Variants in ZNG1F observed in about 807,000 individuals in gnomAD.
The protein encoded by ZNG1F is zinc-regulated GTPase metalloprotein activator 1F.
chr9:41,155,930 A>G, the ZNG1F span, among the ~76,000 whole-genome samples: 2 of 138,380 alleles, frequency 1.4e-5, no homozygotes, highest in African/African-American at 5.4e-5. Context: ...ACATGTATAC[A>G]TATGTAACTA....
chr9:41,175,087 C>T, the ZNG1F span, among the ~76,000 whole-genome samples: 1 of 145,316 alleles, frequency 6.9e-6, no homozygotes, highest in Non-Finnish European at 1.5e-5. Flanking sequence ...CAGTTAGTGA[C>T]AGGGCTGTCT....
chr9:41,159,356 C>T, the ZNG1F span, among the ~76,000 whole-genome samples: 2 of 143,180 alleles, frequency 1.4e-5, no homozygotes, highest in Non-Finnish European at 1.5e-5. Flanking sequence ...AAAGCCTTCC[C>T]CAGTGGCACT....
the ZNG1F span, among the ~76,000 whole-genome samples, chr9:41,134,492 C>CT: frequency 0.015 from 1,101 of 71,800 alleles, 68 homozygotes; most frequent in Admixed American, 0.13. Flanking sequence ...AACATTTCCT[C>CT]TAACAGGTCA....
chr9:41,154,467 C>A, the ZNG1F span, among the ~76,000 whole-genome samples: 6 of 140,568 alleles, frequency 4.3e-5, 1 homozygote, highest in Non-Finnish European at 9.3e-5. Flanking sequence ...CCCCATCAAG[C>A]TACCAATGAC....
At chr9:41,183,993 G>A in the ZNG1F span, among the ~76,000 whole-genome samples, 4 of 149,052 alleles carry the variant, frequency 2.7e-5, no homozygotes, top group Admixed American at 6.8e-5. Flanking sequence ...TTTCTAAATC[G>A]ACTAGTATGT....
chr9:41,193,575 G>A, the ZNG1F span, among the ~76,000 whole-genome samples: 1 of 146,736 alleles, frequency 6.8e-6, no homozygotes. Context: ...TTACAGAAAA[G>A]TAACCCAAAG....
the ZNG1F span, among the ~76,000 whole-genome samples, chr9:41,185,191 C>T: frequency 7.0e-6 from 1 of 143,594 alleles, no homozygotes; most frequent in East Asian, 2.1e-4. Context: ...AAGTTAAGCA[C>T]ACTTATTTTC....
the ZNG1F span, among the ~76,000 whole-genome samples, chr9:41,203,122 A>C: frequency 2.0e-5 from 3 of 152,258 alleles, no homozygotes; most frequent in African/African-American, 7.2e-5. Flanking sequence ...TTCTCTGTGC[A>C]TCACTTCAGG....
At chr9:41,199,616 AACAGTGGCCCTCTTCTC>A in the ZNG1F span, among the ~76,000 whole-genome samples, 6 of 145,258 alleles carry the variant, frequency 4.1e-5, no homozygotes, top group African/African-American at 1.0e-4. Flanking sequence ...GGGTCTAAAG[AACAGTGGCCCTCTTCTC>A]ACTGCTCCAC....
the ZNG1F span, chr9:41,132,067 C>T: frequency 6.6e-7 from 1 of 1,517,270 alleles, no homozygotes; most frequent in African/African-American, 1.4e-5. Context: ...TCCTAACAAG[C>T]TTTTACGAAC....
chr9:41,187,089 T>A, the ZNG1F span, among the ~76,000 whole-genome samples: 1 of 147,956 alleles, frequency 6.8e-6, no homozygotes, highest in Non-Finnish European at 1.5e-5. Flanking sequence ...GTAAGAAATC[T>A]TCTAAGAGAA....
chr9:41,154,430 C>T, the ZNG1F span, among the ~76,000 whole-genome samples: 5 of 143,432 alleles, frequency 3.5e-5, no homozygotes, highest in Non-Finnish European at 7.6e-5. Flanking sequence ...CCATACTGCC[C>T]AAGGTAATTT....
chr9:41,139,976 G>A, the ZNG1F span, among the ~76,000 whole-genome samples: 1 of 151,976 alleles, frequency 6.6e-6, no homozygotes, highest in Non-Finnish European at 1.5e-5. Flanking sequence ...CGAAAATTGG[G>A]AGGTGCTGTT....
the ZNG1F span, chr9:41,145,566 T>C: frequency 2.4e-4 from 101 of 421,316 alleles, 1 homozygote; most frequent in Non-Finnish European, 3.8e-4. Context: ...ATGCACAGAA[T>C]AAAGAGAAAA....
the ZNG1F span, among the ~76,000 whole-genome samples, chr9:41,173,768 G>A: frequency 7.7e-6 from 1 of 130,232 alleles, no homozygotes; most frequent in Admixed American, 8.5e-5. Flanking sequence ...CACTAAATTG[G>A]AAGTTGAGTG....
chr9:41,145,504 T>A, the ZNG1F span: 4 of 623,428 alleles, frequency 6.4e-6, no homozygotes, highest in African/African-American at 2.0e-5. Context: ...AGCTGGCAGA[T>A]TAAGTTTTTT....
the ZNG1F span, among the ~76,000 whole-genome samples, chr9:41,149,734 C>T: frequency 1.3e-5 from 2 of 151,122 alleles, no homozygotes; most frequent in African/African-American, 4.9e-5. Context: ...AAGAGTGAAA[C>T]GTTCCAGAGA....
At chr9:41,155,351 A>G in the ZNG1F span, among the ~76,000 whole-genome samples, 3 of 149,292 alleles carry the variant, frequency 2.0e-5, no homozygotes, top group Non-Finnish European at 4.5e-5. Context: ...AAAGTCAGGA[A>G]ACAACAGGTG....
chr9:41,202,765 G>C, the ZNG1F span, among the ~76,000 whole-genome samples: 2 of 137,912 alleles, frequency 1.5e-5, no homozygotes, highest in African/African-American at 5.3e-5. Context: ...CCTGAATGTT[G>C]ATATCTTACT....
Sources: allele counts gnomAD v4.1 joint callset (sites outside exome capture counted in the v4.1 genomes callset), GRCh38; gene constraint gnomAD v4.1.1; transcripts MANE v1.5; gene names NCBI Gene and HGNC (gene_info 2026-07-23, HGNC 2026-07-21).